MYO16: variants seen among roughly 807,000 people sequenced by gnomAD.
MYO16 encodes myosin XVI.
Under a neutral mutation model 205.3 loss-of-function variants are expected in MYO16, and 94 were observed. That is an observed-to-expected ratio of 0.46 (90% confidence interval 0.39 to 0.54). The LOEUF (loss-of-function observed/expected upper bound fraction) is 0.54, where lower values mean the gene tolerates loss of function less well. MYO16 is among the 20% of genes least tolerant of loss of function. The pLI, the probability that MYO16 is intolerant of heterozygous loss-of-function variation, is 0.00. For synonymous variants in MYO16, 988 were observed against 954.0 expected, an observed-to-expected ratio of 1.04 and a Z score of -0.66; for missense variants, 2,315 against 2,387.5, an observed-to-expected ratio of 0.97 and a Z score of 0.63.
chr13:109,007,481 G>C (rs1379276029), intron 21 of MYO16, among the ~76,000 whole-genome samples: 1 of 151,626 alleles, frequency 6.6e-6, no homozygotes, highest in Non-Finnish European at 1.5e-5. Flanking sequence ...AGTTTTATTA[G>C]AGTGGTTTCA....
rs796071253 is a variant in MYO16 at position 108,714,604 on chromosome 13, G to C, written c.363+1873G>C. Among the ~76,000 whole-genome samples the C allele has an allele frequency of 1.3e-4, 17 of 135,858 alleles. 1 individual carries two copies. Among genetic ancestry groups the C allele is most frequent in the Non-Finnish European group, 2.4e-4 (15 of 62,606 alleles). The allele number at this position is 135,858 out of a possible 152,430, so 89.1% of individuals were successfully genotyped here. A position where few individuals can be genotyped will look rare whatever the true frequency, so the allele number is the denominator to read the frequency against. Reference sequence around the variant, plus strand: ...CACGTGTGTGTGTCTGTGTGTGTGTGTGTGTGTGTATATATATAGAGAGAG... The same window carrying C: ...CACGTGTGTGTGTCTGTGTGTGTGTCTGTGTGTGTATATATATAGAGAGAG... On this transcript the variant is annotated intron_variant, in intron 3 of 34. Coordinates refer to ENST00000457511, the MANE Select transcript of MYO16 (RefSeq NM_001198950.3).
intron 4 of MYO16, among the ~76,000 whole-genome samples, chr13:108,740,243 T>C (rs942914354): frequency 6.6e-6 from 1 of 152,204 alleles, no homozygotes; most frequent in Non-Finnish European, 1.5e-5. Flanking sequence ...TTTTTGGCTC[T>C]GTTTTTTCCC....
At chr13:108,864,571 C>A (rs1368633483) in intron 11 of MYO16, among the ~76,000 whole-genome samples, 1 of 152,054 alleles carries the variant, frequency 6.6e-6, no homozygotes, top group African/African-American at 2.4e-5. Flanking sequence ...CTCTTTCACC[C>A]AGGCTGGAAT....
chr13:109,061,920 T>C (rs888565444), intron 27 of MYO16, among the ~76,000 whole-genome samples: 2 of 152,170 alleles, frequency 1.3e-5, no homozygotes, highest in Admixed American at 6.5e-5. Flanking sequence ...GTTTCCTTAA[T>C]GTTATTAGAG....
chr13:108,580,550 CAT>C, the MYO16 span, among the ~76,000 whole-genome samples: 1 of 152,238 alleles, frequency 6.6e-6, no homozygotes, highest in Non-Finnish European at 1.5e-5. Context: ...GTAAAACTGA[CAT>C]ATACACGTTT....
chr13:108,975,750 A>C (rs1025133036), intron 20 of MYO16, among the ~76,000 whole-genome samples: 1 of 152,138 alleles, frequency 6.6e-6, no homozygotes, highest in South Asian at 2.1e-4. Context: ...TATTTTAATG[A>C]AAAAAAGCAG....
At chr13:108,603,081 T>C (rs1403027698) in intron 1 of MYO16, among the ~76,000 whole-genome samples, 4 of 152,146 alleles carry the variant, frequency 2.6e-5, no homozygotes, top group African/African-American at 9.7e-5. Context: ...TTATGAGGGA[T>C]TTGCTCTTTG....
chr13:109,185,829 T>C (rs149441114), intron 34 of MYO16, among the ~76,000 whole-genome samples: 36 of 152,326 alleles, frequency 2.4e-4, no homozygotes, highest in African/African-American at 7.9e-4. Context: ...GGTGTACTCA[T>C]AAATCATATA....
At chr13:109,134,180 T>C (rs1219002597) in intron 31 of MYO16, among the ~76,000 whole-genome samples, 3 of 152,328 alleles carry the variant, frequency 2.0e-5, no homozygotes, top group East Asian at 3.9e-4. Context: ...CATGACCCTA[T>C]GTAGAGAAGG....
chr13:109,145,788 T>C (rs1877302545), intron 32 of MYO16, among the ~76,000 whole-genome samples: 1 of 152,226 alleles, frequency 6.6e-6, no homozygotes, highest in Non-Finnish European at 1.5e-5. Flanking sequence ...TGGTTGAGTT[T>C]ATCCAGAATA....
chr13:109,007,539 CGTGT>C (rs71125360), intron 21 of MYO16, among the ~76,000 whole-genome samples: 8,815 of 133,500 alleles, frequency 0.066, 440 homozygotes, highest in African/African-American at 0.13. Flanking sequence ...AGAAATCAGC[CGTGT>C]GTGTGTGTGT....
the MYO16 span, among the ~76,000 whole-genome samples, chr13:108,543,736 TTTTC>T: frequency 4.8e-5 from 4 of 82,916 alleles, no homozygotes; most frequent in Middle Eastern, 9.4e-3. Context: ...CCCTTCCTTT[TTTTC>T]TTTTTTTTTT....
chr13:108,837,116 G>A (rs1876968375), intron 9 of MYO16, among the ~76,000 whole-genome samples: 1 of 152,184 alleles, frequency 6.6e-6, no homozygotes, highest in Admixed American at 6.5e-5. Context: ...GGGATCCAGT[G>A]GGAGGTAATT....
At chr13:108,845,455 T>C (rs1293845999) in intron 10 of MYO16, among the ~76,000 whole-genome samples, 1 of 152,044 alleles carries the variant, frequency 6.6e-6, no homozygotes, top group Non-Finnish European at 1.5e-5. Flanking sequence ...CACTGCTGTG[T>C]CCTTGCAGGG....
chr13:108,727,292 G>T, intron 3 of MYO16, 148 bp from the exon 4 acceptor site: 1 of 721,778 alleles, frequency 1.4e-6, no homozygotes, highest in East Asian at 2.8e-5. Flanking sequence ...TTGTTGGTTA[G>T]TTGGGGAAAT....
the MYO16 span, among the ~76,000 whole-genome samples, chr13:108,567,260 A>T: frequency 3.3e-5 from 5 of 152,150 alleles, no homozygotes; most frequent in African/African-American, 1.2e-4. Context: ...GGGAAGTGTC[A>T]AAAGAATGAA....
intron 27 of MYO16, among the ~76,000 whole-genome samples, chr13:109,087,236 T>C (rs1888460728): frequency 6.6e-6 from 1 of 152,246 alleles, no homozygotes; most frequent in Admixed American, 6.5e-5. Flanking sequence ...GATGTGCTAA[T>C]CAATTGCACT....
intron 1 of MYO16, among the ~76,000 whole-genome samples, chr13:108,664,119 A>T (rs2139429554): frequency 6.6e-6 from 1 of 152,324 alleles, no homozygotes; most frequent in South Asian, 2.1e-4. Flanking sequence ...GACAGGGAAT[A>T]TTTTATGTAT....
intron 3 of MYO16, among the ~76,000 whole-genome samples, chr13:108,726,005 AG>A (rs1202238104): frequency 6.6e-6 from 1 of 152,140 alleles, no homozygotes; most frequent in African/African-American, 2.4e-5. Flanking sequence ...TCTCTGTTAC[AG>A]GGAAGCAGAA....
Sources: gnomAD v4.1 joint callset for allele counts (sites outside exome capture counted in the v4.1 genomes callset) on GRCh38, gnomAD v4.1.1 for gene constraint, MANE v1.5 for transcripts, NCBI Gene and HGNC (gene_info 2026-07-23, HGNC 2026-07-21) for gene names.